The following C10orf90 variants were observed in gnomAD, a reference collection of about 807,000 sequenced individuals.
The protein encoded by C10orf90 is (E2-independent) E3 ubiquitin-conjugating enzyme FATS.
C10orf90 carries 56 observed loss-of-function variants against 62.5 expected under a neutral mutation model. That is an observed-to-expected ratio of 0.90 (90% CI 0.72 to 1.12). The LOEUF is 1.12. Ranked by LOEUF, C10orf90 falls within the 50% of genes most tolerant of loss-of-function variation. C10orf90 has a pLI of 0.00. For synonymous variants in C10orf90, 386 were observed against 340.4 expected (o/e 1.13, Z -1.47); for missense variants, 970 against 880.4 (o/e 1.10, Z -1.29).
At chr10:126,431,919 G>A (rs1225461599) in intron 7 of C10orf90, among the ~76,000 whole-genome samples, 1 of 151,974 alleles carries the variant, frequency 6.6e-6, no homozygotes, top group Non-Finnish European at 1.5e-5. Context: ...TCCTCAACTC[G>A]GCTCAGCCTG....
intron 4 of C10orf90, among the ~76,000 whole-genome samples, chr10:126,475,402 C>G (rs1325599012): frequency 6.6e-6 from 1 of 152,192 alleles, no homozygotes; most frequent in Non-Finnish European, 1.5e-5. Context: ...CTAATCTTGA[C>G]TTTCCTACAT....
intron 2 of C10orf90, among the ~76,000 whole-genome samples, chr10:126,602,392 G>A (rs1477053547): frequency 6.6e-6 from 1 of 152,208 alleles, no homozygotes; most frequent in East Asian, 1.9e-4. Context: ...TGCCTATACA[G>A]TGAGGTAGGT....
At chr10:126,479,574 C>A (rs1035231887) in intron 4 of C10orf90, among the ~76,000 whole-genome samples, 2 of 152,178 alleles carry the variant, frequency 1.3e-5, no homozygotes, top group African/African-American at 4.8e-5. Context: ...GGACCCACCC[C>A]CTCCAGGACG....
At chr10:126,435,471 A>G (rs1438947630) in intron 7 of C10orf90, among the ~76,000 whole-genome samples, 1 of 152,112 alleles carries the variant, frequency 6.6e-6, no homozygotes, top group African/African-American at 2.4e-5. Flanking sequence ...CTTTGGAGCT[A>G]CTGGATGGAT....
At chr10:126,486,775 G>T (rs1458688732) in intron 4 of C10orf90, among the ~76,000 whole-genome samples, 2 of 152,090 alleles carry the variant, frequency 1.3e-5, no homozygotes, top group African/African-American at 4.8e-5. Flanking sequence ...AAAATTTAAT[G>T]AAAGCATCAT....
rs572663223 is a variant in C10orf90 at position 126,537,423 on chromosome 10, G to T, written c.314-23484C>A. ...ACCTAGCCCCCCAAAACTCCTGCTG[G>T]TTAACTTTATCTTCTGAAAACGGAA... On this transcript the variant is annotated intron_variant, in intron 2 of 9. Transcript: ENST00000488181. 4.6e-5 allele frequency among the ~76,000 whole-genome samples: 7 copies of T among 152,262 alleles called. No homozygotes were observed. In the East Asian group the frequency reaches 1.4e-3, roughly 29 times the overall value.
rs142474089 is a variant in C10orf90 at position 126,531,398 on chromosome 10, C to A, written c.314-17459G>T. Reference sequence around the variant, plus strand: ...AAACCCCTGAGGATGCACGGGACAGCCCCATGACAAAGGATTGTTAGGCCC... The same window carrying A: ...AAACCCCTGAGGATGCACGGGACAGACCCATGACAAAGGATTGTTAGGCCC... On this transcript the variant is annotated intron_variant, in intron 2 of 9. Coordinates refer to ENST00000488181, the MANE Select transcript of C10orf90 (RefSeq NM_001350921.2). Among the ~76,000 whole-genome samples, 866 of 152,192 alleles carry A rather than the reference C, an allele frequency of 5.7e-3. 7 individuals carry two copies. Among genetic ancestry groups the A allele is most frequent in the African/African-American group, 0.02 (811 of 41,494 alleles).
At chr10:126,494,489 C>G (rs745943003) in intron 4 of C10orf90, among the ~76,000 whole-genome samples, 6 of 152,118 alleles carry the variant, frequency 3.9e-5, no homozygotes, top group Non-Finnish European at 7.4e-5. Context: ...GGATGCACGA[C>G]TCTGGAAAAA....
chr10:126,449,594 A>G (rs1228293120), intron 7 of C10orf90, among the ~76,000 whole-genome samples: 4 of 152,190 alleles, frequency 2.6e-5, no homozygotes, highest in African/African-American at 9.7e-5. Flanking sequence ...GAGTGAACTC[A>G]CCTCTGCAGA....
At chr10:126,430,581 A>G (rs1857513198) in intron 7 of C10orf90, among the ~76,000 whole-genome samples, 1 of 152,202 alleles carries the variant, frequency 6.6e-6, no homozygotes, top group South Asian at 2.1e-4. Context: ...CCCATGAGAC[A>G]CTTGGCCATG....
chr10:126,551,520 T>G lies in C10orf90; in HGVS notation c.314-37581A>C, dbSNP rs78935867. Reference sequence around the variant, plus strand: ...GGTTAAACATTATATGGGGAGGGAGTGAGTGTGGGAAAAAAAAATTTGAGG... The same window carrying G: ...GGTTAAACATTATATGGGGAGGGAGGGAGTGTGGGAAAAAAAAATTTGAGG... On this transcript the variant is annotated intron_variant, in intron 2 of 9. Coordinates refer to ENST00000488181, the MANE Select transcript of C10orf90 (RefSeq NM_001350921.2). 2.3e-3 allele frequency among the ~76,000 whole-genome samples: 352 copies of G among 151,132 alleles called. 3 individuals are homozygous for G. The East Asian group carries it at 0.031, about 13-fold the overall frequency.
chr10:126,625,302 A>G (rs935817656), intron 2 of C10orf90, among the ~76,000 whole-genome samples: 2 of 152,180 alleles, frequency 1.3e-5, no homozygotes, highest in African/African-American at 4.8e-5. Flanking sequence ...CACAGAGGCC[A>G]AGCAGGATTG....
At chr10:126,565,814 C>T (rs913806616) in intron 2 of C10orf90, among the ~76,000 whole-genome samples, 1 of 152,164 alleles carries the variant, frequency 6.6e-6, no homozygotes, top group Non-Finnish European at 1.5e-5. Context: ...TCGCAGCATC[C>T]TCCACCCGCT....
intron 2 of C10orf90, among the ~76,000 whole-genome samples, chr10:126,604,319 C>T (rs1276076837): frequency 6.6e-6 from 1 of 152,122 alleles, no homozygotes; most frequent in Non-Finnish European, 1.5e-5. Context: ...AAAGCAACAA[C>T]CATCACCAAA....
chr10:126,504,080 C>G lies in C10orf90; in HGVS notation c.1411G>C (p.Ala471Pro). 6.2e-7 allele frequency: 1 copy of G among 1,614,134 alleles called. No homozygotes were observed. The highest frequency in any genetic ancestry group is 8.5e-7 in the Non-Finnish European group (1 of 1,180,038). ...GTGACTTGGTTAGCTCCCACATTTG[C>G]CAATTCTGTGTTTTCCAATGGAAAA... ...GSFPLENTELANVGANQVTVR... is the reference protein window; with the variant it reads ...GSFPLENTELPNVGANQVTVR... The change falls in exon 4 of 10, where the codon GCA becomes CCA. Residue 471 changes from alanine to proline, a missense_variant. Transcript: ENST00000488181. The surrounding 1 kb of genome is among the most constrained non-coding windows in gnomAD (Gnocchi z 4.1).
intron 2 of C10orf90, among the ~76,000 whole-genome samples, chr10:126,602,754 T>C (rs1372210279): frequency 1.4e-5 from 2 of 144,192 alleles, no homozygotes; most frequent in Non-Finnish European, 1.5e-5. Flanking sequence ...GGCAGGGTTT[T>C]GGGCTTTTTT....
At chr10:126,479,583 C>T (rs569682937) in intron 4 of C10orf90, among the ~76,000 whole-genome samples, 19 of 152,298 alleles carry the variant, frequency 1.2e-4, no homozygotes, top group South Asian at 2.1e-4. Context: ...CCCTCCAGGA[C>T]GCAGCTGACA....
At chr10:126,486,512 T>G (rs2133820039) in intron 4 of C10orf90, among the ~76,000 whole-genome samples, 1 of 152,164 alleles carries the variant, frequency 6.6e-6, no homozygotes, top group Non-Finnish European at 1.5e-5. Flanking sequence ...AGATAAAAAA[T>G]ACATAAAAAT....
chr10:126,579,965 G>T (rs1844712141), intron 2 of C10orf90, among the ~76,000 whole-genome samples: 1 of 152,156 alleles, frequency 6.6e-6, no homozygotes, highest in Non-Finnish European at 1.5e-5. Context: ...CAGGCTGCCT[G>T]GTTCCTGTGC....
Sources: gnomAD v4.1 joint callset for allele counts (sites outside exome capture counted in the v4.1 genomes callset) on GRCh38, gnomAD v4.1.1 for gene constraint, Gnocchi (gnomAD v3.1) non-coding constraint, MANE v1.5 for transcripts, NCBI Gene and HGNC (gene_info 2026-07-23, HGNC 2026-07-21) for gene names.